Variants in BCAP31 observed in about 807,000 individuals in gnomAD.
BCAP31 encodes the protein B-cell receptor-associated protein 31.
For synonymous variants in BCAP31, 75 were observed against 80.9 expected, an observed-to-expected ratio of 0.93 and a Z score of 0.39; for missense variants, 124 against 193.0, an observed-to-expected ratio of 0.64 and a Z score of 2.12.
chrX:153,716,632 C>T (rs1003869175), intron 3 of BCAP31, among the ~76,000 whole-genome samples: 1 of 106,510 alleles, frequency 9.4e-6, no homozygotes, highest in Non-Finnish European at 1.9e-5. Context: ...TGGTGCTGCA[C>T]ACCTGTAGTC....
intron 3 of BCAP31, among the ~76,000 whole-genome samples, chrX:153,720,272 C>T (rs1402090770): frequency 3.6e-5 from 4 of 110,866 alleles, no homozygotes; most frequent in Non-Finnish European, 7.6e-5. Context: ...GGCGTCCCTC[C>T]TTCCAAGGTC....
chrX:153,707,003 C>T (rs1483366783), intron 4 of BCAP31, among the ~76,000 whole-genome samples: 1 of 111,909 alleles, frequency 8.9e-6, no homozygotes, highest in Non-Finnish European at 1.9e-5. Flanking sequence ...TCTCCTCCTT[C>T]ACTAACCACG....
At chrX:153,703,090 AGGAG>A (rs782004155) in intron 5 of BCAP31, 32 bp from the exon 6 acceptor site, 7 of 1,205,080 alleles carry the variant, frequency 5.8e-6, no homozygotes, top group Admixed American at 2.2e-5. Flanking sequence ...AGGGTTACTC[AGGAG>A]GGAGGGAGGG....
At chrX:153,702,345 C>G (rs2091524164) in intron 6 of BCAP31, 1 of 327,041 alleles carries the variant, frequency 3.1e-6, no homozygotes, top group Admixed American at 5.3e-5. Context: ...CCCCCAGTCC[C>G]TTTAATGGAG....
At chrX:153,721,821 C>A (rs1484686750) in intron 2 of BCAP31, among the ~76,000 whole-genome samples, 1 of 67,376 alleles carries the variant, frequency 1.5e-5, no homozygotes, top group Non-Finnish European at 2.7e-5. Context: ...TTGCTTGAAC[C>A]CGGGAGGTGG....
At chrX:153,718,076 G>A (rs973974435) in intron 3 of BCAP31, among the ~76,000 whole-genome samples, 44 of 111,382 alleles carry the variant, frequency 4.0e-4, no homozygotes, top group African/African-American at 1.3e-3. Flanking sequence ...AGCACTTTGG[G>A]AGGCCGAGGT....
Position 153,723,223 on chromosome X carries a change from C to T in BCAP31, c.22G>A (p.Val8Ile). 8.3e-7 allele frequency: 1 copy of T among 1,209,316 alleles called. No homozygotes were observed. Among genetic ancestry groups the T allele is most frequent in the Non-Finnish European group, 1.1e-6 (1 of 893,740 alleles). The change falls in exon 2 of 8, where the codon GTT becomes ATT. Residue 8 changes from valine to isoleucine, a missense_variant. By Grantham distance (29) the Val-to-Ile change is conservative (BLOSUM62 3). Coordinates refer to ENST00000345046, the MANE Select transcript of BCAP31 (RefSeq NM_001256447.2). MSLQWTA[V>I]ATFLYAEVFV... is the part of the protein sequence containing the mutation. ...ACCTCCGCATAGAGGAAGGTGGCAA[C>T]TGCAGTCCACTGCAGACTCATCCTG...
chrX:153,704,111 A>G lies in BCAP31; in HGVS notation c.342-17T>C. 1 of 1,202,085 alleles carries G rather than the reference A, an allele frequency of 8.3e-7. No individual in the cohort carries two copies. The highest frequency in any genetic ancestry group is 1.8e-5 in the South Asian group (1 of 56,562). ...CTAAGCAGGCTGCAATTATTTACAA[A>G]AAGAAGGGAGAAGTGAGAAAAAGAG... On this transcript the variant is annotated splice_polypyrimidine_tract_variant and intron_variant, in intron 4 of 7. Transcript: ENST00000345046.
intron 1 of BCAP31, chrX:153,723,567 C>A (rs2091683996): frequency 1.7e-6 from 2 of 1,168,260 alleles, no homozygotes; most frequent in South Asian, 3.8e-5. Flanking sequence ...CGATCCCTGC[C>A]CCAGGAAGCC....
intron 2 of BCAP31, 78 bp from the exon 3 acceptor site, chrX:153,721,050 TC>T: frequency 1.1e-6 from 1 of 888,653 alleles, no homozygotes; most frequent in Non-Finnish European, 1.6e-6. Context: ...AAAATGGAAA[TC>T]CAGCTTTGTA....
intron 2 of BCAP31, 117 bp downstream of exon 2, chrX:153,723,036 G>A: frequency 1.0e-6 from 1 of 976,399 alleles, no homozygotes; most frequent in Non-Finnish European, 1.4e-6. Context: ...CCCCAGACAG[G>A]TTCTACCTGT....
chrX:153,702,469 AG>A, intron 6 of BCAP31: 1 of 192,262 alleles, frequency 5.2e-6, no homozygotes. Context: ...CCTTGCACAC[AG>A]CAGCAGCAGG....
Position 153,704,226 on chromosome X carries a change from G to A in BCAP31, c.342-132C>T, listed in dbSNP as rs782437677. On this transcript the variant is annotated intron_variant, in intron 4 of 7. Coordinates refer to ENST00000345046, the MANE Select transcript of BCAP31 (RefSeq NM_001256447.2). Reference sequence around the variant, plus strand: ...TGCCCTCTTGCCAAGGCAGCCGAGTGAGAAGCCGCCAACCTGGTGCTGGCA... The same window carrying A: ...TGCCCTCTTGCCAAGGCAGCCGAGTAAGAAGCCGCCAACCTGGTGCTGGCA... The A allele has an allele frequency of 2.0e-5, 14 of 699,746 alleles. No individual in the cohort carries two copies. The African/African-American group carries it at 2.2e-4, about 11-fold the overall frequency. The allele number at this position is 699,746 out of a possible 1,213,427, so 57.7% of individuals were successfully genotyped here.
intron 3 of BCAP31, 22 bp downstream of exon 3, chrX:153,720,850 C>T (rs1557050880): frequency 8.3e-7 from 1 of 1,198,990 alleles, no homozygotes; most frequent in South Asian, 1.8e-5. Flanking sequence ...CAGGTAGCTG[C>T]CCTCAGCCAT....
intron 7 of BCAP31, 39 bp from the exon 8 acceptor site, chrX:153,701,014 G>A (rs781825034): frequency 1.6e-5 from 18 of 1,160,047 alleles, no homozygotes; most frequent in Admixed American, 9.1e-5. Context: ...TAGGTTGGCC[G>A]GGTCCACTCC....
rs140595608 is a variant in BCAP31, at chrX:153,703,383, C to T, written c.478-325G>A. Among the ~76,000 whole-genome samples the T allele has an allele frequency of 0.037, 4,164 of 113,260 alleles. 165 individuals carry two copies. Among genetic ancestry groups the T allele is most frequent in the African/African-American group, 0.12 (3,886 of 31,204 alleles). On this transcript the variant is annotated intron_variant, in intron 5 of 7. Coordinates refer to ENST00000345046, the MANE Select transcript of BCAP31 (RefSeq NM_001256447.2). ...GGCTCAGCAGCTCCATGGTGCTCAC[C>T]AACCCCTCCACAGATGGCGGTGCCT...
chrX:153,706,449 C>T (rs782797951), intron 4 of BCAP31, among the ~76,000 whole-genome samples: 2 of 112,516 alleles, frequency 1.8e-5, no homozygotes, highest in East Asian at 5.6e-4. Context: ...GCCTCCTAAC[C>T]GCCCAGGCCG....
chrX:153,722,955 C>T, intron 2 of BCAP31, among the ~76,000 whole-genome samples, 198 bp downstream of exon 2: 2 of 110,688 alleles, frequency 1.8e-5, no homozygotes, highest in Admixed American at 9.6e-5. Flanking sequence ...GGAAAAGGAA[C>T]TGAGCAAGTC....
intron 4 of BCAP31, among the ~76,000 whole-genome samples, chrX:153,710,552 C>G (rs1557049013): frequency 1.8e-5 from 2 of 112,160 alleles, no homozygotes; most frequent in South Asian, 3.7e-4. Context: ...AGGACTGAGA[C>G]AGTAGTGGCA....
Sources: allele counts gnomAD v4.1 joint callset (sites outside exome capture counted in the v4.1 genomes callset), GRCh38; gene constraint gnomAD v4.1.1; transcripts MANE v1.5; gene names NCBI Gene and HGNC (gene_info 2026-07-23, HGNC 2026-07-21).